ASAP1: variants seen among roughly 807,000 people sequenced by gnomAD.
The protein encoded by ASAP1 is ArfGAP with SH3 domain, ankyrin repeat and PH domain 1.
ASAP1 carries 43 observed loss-of-function variants against 145.2 expected under a neutral mutation model. The observed-to-expected ratio is 0.30, with a 90% CI of 0.23 to 0.38. The LOEUF is 0.38. Ranked by LOEUF, ASAP1 falls within the 10% of genes least tolerant of loss-of-function variation. ASAP1 has a pLI of 1.00. For synonymous variants in ASAP1, 546 were observed against 515.5 expected (o/e 1.06, Z -0.80); for missense variants, 1,018 against 1,355.3 (o/e 0.75, Z 3.91).
chr8:130,144,528 C>T (rs2097622434), intron 13 of ASAP1, among the ~76,000 whole-genome samples: 3 of 152,162 alleles, frequency 2.0e-5, no homozygotes, highest in African/African-American at 7.2e-5. Context: ...TCAAGCCAAG[C>T]CCTAGGAAAA....
chr8:130,159,517 G>C (rs1456079861), intron 12 of ASAP1, among the ~76,000 whole-genome samples: 1 of 149,556 alleles, frequency 6.7e-6, no homozygotes, highest in Non-Finnish European at 1.5e-5. Context: ...AGCTACTCGG[G>C]AGGCTGAGGC....
intron 3 of ASAP1, among the ~76,000 whole-genome samples, chr8:130,327,299 T>C (rs1824398113): frequency 6.6e-6 from 1 of 152,178 alleles, no homozygotes; most frequent in South Asian, 2.1e-4. Context: ...CACCAAACTG[T>C]TGTACCAAAA....
chr8:130,260,267 C>T (rs1182187409), intron 3 of ASAP1, among the ~76,000 whole-genome samples: 1 of 152,108 alleles, frequency 6.6e-6, no homozygotes, highest in Non-Finnish European at 1.5e-5. Flanking sequence ...CAGTCTCTTC[C>T]AATCAAATCA....
chr8:130,265,526 T>C (rs1016251537), intron 3 of ASAP1, among the ~76,000 whole-genome samples: 1 of 149,016 alleles, frequency 6.7e-6, no homozygotes, highest in South Asian at 2.1e-4. Flanking sequence ...TGAGCTATGA[T>C]GGTGCCACTG....
At chr8:130,203,183 C>CA (rs1815981483) in intron 5 of ASAP1, among the ~76,000 whole-genome samples, 1 of 151,712 alleles carries the variant, frequency 6.6e-6, no homozygotes, top group Admixed American at 6.6e-5. Flanking sequence ...CATGAAAAGT[C>CA]AATGTTTCTT....
intron 1 of ASAP1, among the ~76,000 whole-genome samples, chr8:130,421,549 G>C (rs1409783031): frequency 6.6e-6 from 1 of 152,188 alleles, no homozygotes; most frequent in South Asian, 2.1e-4. Context: ...AGGTTTTTAA[G>C]AAGTGGGTGT....
intron 1 of ASAP1, among the ~76,000 whole-genome samples, chr8:130,419,606 C>G (rs1829633381): frequency 6.6e-6 from 1 of 152,124 alleles, no homozygotes; most frequent in South Asian, 2.1e-4. Context: ...CCTTTTCCGT[C>G]TGACTCTGCA....
At chr8:130,086,783 G>C (rs143039911) in intron 25 of ASAP1, among the ~76,000 whole-genome samples, 1,980 of 152,248 alleles carry the variant, frequency 0.013, 45 homozygotes, top group African/African-American at 0.045. Flanking sequence ...CAGCCTGGGT[G>C]ACAGAATAAG....
At chr8:130,385,841 C>G (rs1022462236) in intron 2 of ASAP1, among the ~76,000 whole-genome samples, 5 of 152,224 alleles carry the variant, frequency 3.3e-5, no homozygotes, top group African/African-American at 1.2e-4. Flanking sequence ...ACCCAGTACT[C>G]CTGCCGGTGA....
chr8:130,091,848 G>T, intron 25 of ASAP1, 125 bp downstream of exon 25: 2 of 1,051,556 alleles, frequency 1.9e-6, no homozygotes, highest in South Asian at 2.1e-5. Context: ...ATATACCCGA[G>T]TCAGCACCCA....
intron 3 of ASAP1, among the ~76,000 whole-genome samples, chr8:130,259,010 G>C (rs527712158): frequency 4.1e-4 from 63 of 152,030 alleles, no homozygotes; most frequent in African/African-American, 1.4e-3. Flanking sequence ...GTGTCCATTT[G>C]CTTATGGTAT....
intron 2 of ASAP1, chr8:130,361,844 A>G: frequency 1.9e-6 from 2 of 1,058,284 alleles, no homozygotes; most frequent in Non-Finnish European, 2.8e-6. Flanking sequence ...GCCCCGAAAT[A>G]TACACCATCC....
chr8:130,376,641 G>C (rs1053926879), intron 2 of ASAP1, among the ~76,000 whole-genome samples: 1 of 152,054 alleles, frequency 6.6e-6, no homozygotes, highest in Non-Finnish European at 1.5e-5. Flanking sequence ...CAAGAGAATC[G>C]CTTGAACCAG....
chr8:130,357,627 T>C (rs916472690), intron 3 of ASAP1, among the ~76,000 whole-genome samples: 8 of 152,190 alleles, frequency 5.3e-5, no homozygotes, highest in Admixed American at 1.3e-4. Context: ...CCCTTGCTGG[T>C]GACCTTGGCT....
At chr8:130,292,140 G>A (rs77162821) in intron 3 of ASAP1, among the ~76,000 whole-genome samples, 1 of 152,080 alleles carries the variant, frequency 6.6e-6, no homozygotes, top group African/African-American at 2.4e-5. Flanking sequence ...AATCTATAAA[G>A]AGCAGACTAT....
chr8:130,159,549 G>GAAGAAAAA (rs1256559415), intron 12 of ASAP1, among the ~76,000 whole-genome samples: 2 of 84,164 alleles, frequency 2.4e-5, no homozygotes, highest in East Asian at 7.1e-4. Context: ...GTGAACTCAG[G>GAAGAAAAA]AAAAAAAAAA....
chr8:130,066,975 ACT>A (rs770939739), intron 27 of ASAP1, among the ~76,000 whole-genome samples: 5 of 152,084 alleles, frequency 3.3e-5, no homozygotes, highest in African/African-American at 9.6e-5. Context: ...GGCCTGGCTC[ACT>A]CTGCCAAAGC....
chr8:130,137,393 T>A (rs894176348), intron 13 of ASAP1, among the ~76,000 whole-genome samples: 2 of 152,170 alleles, frequency 1.3e-5, no homozygotes, highest in Middle Eastern at 3.2e-3. Context: ...AAAAAAATAA[T>A]CCACCTCACT....
At chr8:130,188,803 A>C (rs1027874832) in intron 5 of ASAP1, among the ~76,000 whole-genome samples, 1 of 151,972 alleles carries the variant, frequency 6.6e-6, no homozygotes, top group Non-Finnish European at 1.5e-5. Flanking sequence ...GTTCTTAAAC[A>C]CTATACTACA....
Sources: allele counts gnomAD v4.1 joint callset (sites outside exome capture counted in the v4.1 genomes callset), GRCh38; gene constraint gnomAD v4.1.1; transcripts MANE v1.5; gene names NCBI Gene and HGNC (gene_info 2026-07-23, HGNC 2026-07-21).